Variants in EPHA6 observed in about 807,000 individuals in gnomAD.
The protein encoded by EPHA6 is EPH receptor A6.
In EPHA6, 50 loss-of-function variants were observed where a neutral mutation model predicts 112.0. The ratio of observed to expected loss-of-function variants is 0.45; its 90% confidence interval spans 0.36 to 0.56. EPHA6 has a LOEUF of 0.56. Among genes scored for constraint, EPHA6 ranks in the 20% least tolerant of loss-of-function variants. The pLI, the probability that EPHA6 is intolerant of heterozygous loss-of-function variation, is 0.00. For synonymous variants in EPHA6, 529 were observed against 490.7 expected (o/e 1.08, Z -1.03); for missense variants, 1,280 against 1,417.4 (o/e 0.90, Z 1.56).
At chr3:97,718,284 C>T (rs375156748) in intron 14 of EPHA6, among the ~76,000 whole-genome samples, 3 of 152,176 alleles carry the variant, frequency 2.0e-5, no homozygotes, top group Non-Finnish European at 2.9e-5. Flanking sequence ...GGTATCCTTA[C>T]CCCCTTGTGA....
chr3:97,186,301 G>C (rs1294622381), intron 3 of EPHA6, among the ~76,000 whole-genome samples: 1 of 152,008 alleles, frequency 6.6e-6, no homozygotes, highest in Non-Finnish European at 1.5e-5. Context: ...TTTTTAAGTT[G>C]CTGACTAATC....
At chr3:97,076,519 A>G (rs2046531746) in intron 3 of EPHA6, among the ~76,000 whole-genome samples, 1 of 152,220 alleles carries the variant, frequency 6.6e-6, no homozygotes, top group Admixed American at 6.6e-5. Flanking sequence ...TAATAATGCA[A>G]GGTGAAGCAG....
chr3:97,168,287 CTT>C (rs2076590548), intron 3 of EPHA6, among the ~76,000 whole-genome samples: 1 of 152,060 alleles, frequency 6.6e-6, no homozygotes, highest in Non-Finnish European at 1.5e-5. Context: ...TTCTATAACA[CTT>C]TGATATGGTT....
intron 14 of EPHA6, among the ~76,000 whole-genome samples, chr3:97,668,911 C>CAAAAAAAAAAAAAAAAAAAAAA (rs397990599): frequency 3.1e-5 from 1 of 31,904 alleles, no homozygotes; most frequent in African/African-American, 1.2e-4. Flanking sequence ...GACTCTGTCT[C>CAAAAAAAAAAAAAAAAAAAAAA]AAAAAAAAAA....
At chr3:97,216,349 A>G (rs2078034108) in intron 3 of EPHA6, among the ~76,000 whole-genome samples, 1 of 152,158 alleles carries the variant, frequency 6.6e-6, no homozygotes, top group Non-Finnish European at 1.5e-5. Context: ...CTTCTAAACC[A>G]TTCATGAGGA....
At chr3:97,425,959 A>C (rs958745305) in intron 6 of EPHA6, among the ~76,000 whole-genome samples, 13 of 152,130 alleles carry the variant, frequency 8.5e-5, no homozygotes, top group African/African-American at 3.1e-4. Context: ...ATCTGAGACC[A>C]CTTCAGCCTG....
intron 5 of EPHA6, among the ~76,000 whole-genome samples, chr3:97,397,164 G>A (rs898170245): frequency 7.3e-5 from 11 of 151,646 alleles, no homozygotes; most frequent in Non-Finnish European, 1.5e-4. Context: ...TATTGCTTGA[G>A]CCTTCAAGTT....
At chr3:96,981,687 C>T (rs2042791898) in intron 2 of EPHA6, among the ~76,000 whole-genome samples, 1 of 151,748 alleles carries the variant, frequency 6.6e-6, no homozygotes, top group Non-Finnish European at 1.5e-5. Context: ...TGGTCCTGGA[C>T]TTTTTTTTGT....
At chr3:96,880,778 G>A (rs545268957) in intron 2 of EPHA6, among the ~76,000 whole-genome samples, 29 of 151,946 alleles carry the variant, frequency 1.9e-4, no homozygotes, top group Admixed American at 1.0e-3. Flanking sequence ...AAATTGAATC[G>A]AACAATATAT....
intron 14 of EPHA6, among the ~76,000 whole-genome samples, chr3:97,639,556 A>G (rs892344946): frequency 2.6e-5 from 4 of 152,170 alleles, no homozygotes. Context: ...ATGGGAAATT[A>G]CTACACTCTT....
At chr3:97,150,379 TGTAGA>T (rs2076143517) in intron 3 of EPHA6, among the ~76,000 whole-genome samples, 1 of 152,282 alleles carries the variant, frequency 6.6e-6, no homozygotes, top group Admixed American at 6.5e-5. Flanking sequence ...AGTGTCTTCC[TGTAGA>T]GTAAAGGACA....
rs2038107488 is a variant in EPHA6, at chr3:96,893,718, C to T, written c.450+26829C>T. The stretch of plus-strand genomic sequence containing the variant: ...AACTTGCAGTGATCTAGCATGAAGA[C>T]CAGACACAGAAGTCTAGCCTTCTCA... On this transcript the variant is annotated intron_variant, in intron 2 of 17. Transcript: ENST00000389672. Among the ~76,000 whole-genome samples the T allele has an allele frequency of 2.0e-5, 3 of 152,106 alleles. No homozygotes were observed. The South Asian group carries it at 6.2e-4, about 32-fold the overall frequency.
chr3:97,041,641 G>A (rs1249631512), intron 3 of EPHA6, among the ~76,000 whole-genome samples: 1 of 151,964 alleles, frequency 6.6e-6, no homozygotes, highest in East Asian at 1.9e-4. Flanking sequence ...GACTACCTGA[G>A]ACTGGGTAAT....
intron 10 of EPHA6, among the ~76,000 whole-genome samples, chr3:97,525,261 T>C (rs2092602841): frequency 1.3e-5 from 2 of 152,200 alleles, no homozygotes; most frequent in Non-Finnish European, 2.9e-5. Flanking sequence ...TTTTTTTGCA[T>C]GATTGCCTCA....
At chr3:97,691,699 C>A (rs1319789119) in intron 14 of EPHA6, among the ~76,000 whole-genome samples, 2 of 152,086 alleles carry the variant, frequency 1.3e-5, no homozygotes, top group African/African-American at 4.8e-5. Context: ...CCCTAACACC[C>A]AATTCATATA....
chr3:96,982,510 G>A (rs2042837037), intron 2 of EPHA6, among the ~76,000 whole-genome samples: 1 of 152,176 alleles, frequency 6.6e-6, no homozygotes. Context: ...GTGATGTGGT[G>A]CTGAGAAGAA....
At chr3:96,858,081 A>G (rs1576160478) in intron 1 of EPHA6, among the ~76,000 whole-genome samples, 1 of 152,068 alleles carries the variant, frequency 6.6e-6, no homozygotes, top group Non-Finnish European at 1.5e-5. Context: ...GGAAAAAAAC[A>G]CCATTGTTCT....
At chr3:97,080,836 CA>C (rs2046697045) in intron 3 of EPHA6, among the ~76,000 whole-genome samples, 1 of 151,826 alleles carries the variant, frequency 6.6e-6, no homozygotes, top group African/African-American at 2.4e-5. Flanking sequence ...TCACATATTT[CA>C]ATTTTTTTGG....
At chr3:97,368,280 A>G (rs2084852293) in intron 5 of EPHA6, among the ~76,000 whole-genome samples, 1 of 152,178 alleles carries the variant, frequency 6.6e-6, no homozygotes, top group South Asian at 2.1e-4. Flanking sequence ...ACAGACATTA[A>G]AATGAGAGAC....
Sources: allele counts gnomAD v4.1 joint callset (sites outside exome capture counted in the v4.1 genomes callset), GRCh38; gene constraint gnomAD v4.1.1; transcripts MANE v1.5; gene names NCBI Gene and HGNC (gene_info 2026-07-23, HGNC 2026-07-21).